Variants in ZBTB8A observed in about 807,000 individuals in gnomAD.
The protein encoded by ZBTB8A is zinc finger and BTB domain containing 8A.
ZBTB8A carries 19 observed loss-of-function variants against 37.8 expected under a neutral mutation model. That is an observed-to-expected ratio of 0.50 (90% CI 0.35 to 0.74). ZBTB8A has a LOEUF of 0.74. Ranked by LOEUF, ZBTB8A falls within the 30% of genes least tolerant of loss-of-function variation. The probability of loss-of-function intolerance (pLI) is 0.01; values close to 1 mark genes in which losing one functional copy is unlikely to be tolerated. For synonymous variants in ZBTB8A, 181 were observed against 185.2 expected (o/e 0.98, Z 0.19); for missense variants, 394 against 537.8 (o/e 0.73, Z 2.65).
At chr1:32,550,683 G>T (rs1490703437) in intron 1 of ZBTB8A, among the ~76,000 whole-genome samples, 5 of 151,922 alleles carry the variant, frequency 3.3e-5, no homozygotes, top group African/African-American at 1.2e-4. Context: ...ATTAGGCCAG[G>T]CGTGTTGGGT....
At chr1:32,555,234 A>G (rs1222304011) in intron 2 of ZBTB8A, among the ~76,000 whole-genome samples, 2 of 152,074 alleles carry the variant, frequency 1.3e-5, no homozygotes, top group African/African-American at 4.8e-5. Context: ...CTAGAAATAG[A>G]AAAAATTAGC....
At chr1:32,575,328 G>A (rs2148235749) in intron 2 of ZBTB8A, among the ~76,000 whole-genome samples, 1 of 145,434 alleles carries the variant, frequency 6.9e-6, no homozygotes, top group African/African-American at 2.6e-5. Flanking sequence ...CAGGTTTCAA[G>A]CGATTCTCCT....
Position 32,600,069 on chromosome 1 carries a change from A to G in ZBTB8A, c.994-18A>G. 1 of 1,593,014 alleles carries G rather than the reference A, an allele frequency of 6.3e-7. No homozygotes were observed. The highest frequency in any genetic ancestry group is 8.6e-7 in the Non-Finnish European group (1 of 1,166,608). On this transcript the variant is annotated intron_variant, in intron 4 of 4. Coordinates refer to ENST00000373510, the MANE Select transcript of ZBTB8A (RefSeq NM_001040441.3). ...CTTTTGAAAAATCACTTTTATCACTATTTAAATCTCTACACAGATTCACCA... is the reference window on the plus strand; with the variant it reads ...CTTTTGAAAAATCACTTTTATCACTGTTTAAATCTCTACACAGATTCACCA...
Position 32,599,968 on chromosome 1 carries a change from T to C in ZBTB8A, c.994-119T>C. ...CCTTGATCTTTCTCTAAATAATAGATGTTAATTTGAGTTTAATGCATGGCT... is the reference window on the plus strand; with the variant it reads ...CCTTGATCTTTCTCTAAATAATAGACGTTAATTTGAGTTTAATGCATGGCT... On this transcript the variant is annotated intron_variant, in intron 4 of 4. Coordinates refer to ENST00000373510, the MANE Select transcript of ZBTB8A (RefSeq NM_001040441.3). 3 of 720,228 alleles carry C rather than the reference T, an allele frequency of 4.2e-6. No individual in the cohort carries two copies. In the South Asian group the frequency reaches 6.2e-5, roughly 15 times the overall value. The allele number at this position is 720,228 out of a possible 1,614,324, so 44.6% of individuals were successfully genotyped here. A position where few individuals can be genotyped will look rare whatever the true frequency, so the allele number is the denominator to read the frequency against.
chr1:32,596,165 C>T (rs813687), intron 4 of ZBTB8A, among the ~76,000 whole-genome samples: 1 of 151,762 alleles, frequency 6.6e-6, no homozygotes, highest in East Asian at 2.0e-4. Flanking sequence ...GTCAGGAGAT[C>T]GAGACCATCC....
At chr1:32,575,552 T>C (rs1440521186) in intron 2 of ZBTB8A, among the ~76,000 whole-genome samples, 3 of 151,936 alleles carry the variant, frequency 2.0e-5, no homozygotes, top group Non-Finnish European at 4.4e-5. Flanking sequence ...CTTTTCTTTA[T>C]CCTGCCTCAG....
intron 2 of ZBTB8A, among the ~76,000 whole-genome samples, chr1:32,567,814 A>G (rs796121343): frequency 3.3e-5 from 1 of 30,478 alleles, no homozygotes; most frequent in Non-Finnish European, 5.5e-5. Context: ...AAAAAAAAAA[A>G]AAAAAAAAAC....
chr1:32,553,838 A>T (rs1644176910), intron 2 of ZBTB8A, among the ~76,000 whole-genome samples: 1 of 147,368 alleles, frequency 6.8e-6, no homozygotes, highest in African/African-American at 2.5e-5. Context: ...GTGAACCAAG[A>T]TGGCACCATT....
chr1:32,603,672 C>T lies in ZBTB8A; in HGVS notation c.*3253C>T, dbSNP rs564642716. On this transcript the variant is annotated 3_prime_UTR_variant, in exon 5 of 5. Transcript: ENST00000373510. Reference sequence around the variant, plus strand: ...TGTCCTTTTATGCTATTATCTTCTGCATGCAAACTTTACATACATCAGCAT... The same window carrying T: ...TGTCCTTTTATGCTATTATCTTCTGTATGCAAACTTTACATACATCAGCAT... 9 of 152,754 alleles carry T rather than the reference C, an allele frequency of 5.9e-5. 1 individual carries two copies. Among genetic ancestry groups the T allele is most frequent in the East Asian group, 5.8e-4 (3 of 5,188 alleles). 9.5% of individuals were successfully genotyped at this position (152,754 alleles called of 1,614,324 possible).
At chr1:32,586,472 T>G (rs1384558170) in intron 2 of ZBTB8A, among the ~76,000 whole-genome samples, 2 of 152,120 alleles carry the variant, frequency 1.3e-5, no homozygotes, top group African/African-American at 4.8e-5. Flanking sequence ...GGACTTTACA[T>G]TTTAGTAGGA....
At chr1:32,547,828 C>CAAAAAAAAAAAAAAAA (rs1194254576) in intron 1 of ZBTB8A, among the ~76,000 whole-genome samples, 92 of 30,402 alleles carry the variant, frequency 3.0e-3, no homozygotes, top group Non-Finnish European at 3.9e-3. Flanking sequence ...ACAAACAAAG[C>CAAAAAAAAAAAAAAAA]AAAAAAAAAA....
rs1159112110 is a variant in ZBTB8A, at chr1:32,605,311, T to A, written c.*4892T>A. The A allele has an allele frequency of 6.6e-6, 1 of 152,040 alleles. No homozygotes were observed. Among genetic ancestry groups the A allele is most frequent in the African/African-American group, 2.4e-5 (1 of 41,412 alleles). 9.4% of individuals were successfully genotyped at this position (152,040 alleles called of 1,614,324 possible). On this transcript the variant is annotated 3_prime_UTR_variant, in exon 5 of 5. Transcript: ENST00000373510. The stretch of plus-strand genomic sequence containing the variant: ...TTTATCATTTATATAGCATTTTATA[T>A]TTGCAAAGTGTTTAATAATTTTTGT...
intron 2 of ZBTB8A, among the ~76,000 whole-genome samples, chr1:32,575,472 G>T (rs1446538562): frequency 6.6e-6 from 1 of 150,696 alleles, no homozygotes; most frequent in Non-Finnish European, 1.5e-5. Flanking sequence ...TGATCTGCCC[G>T]CCTCAGCCTC....
intron 2 of ZBTB8A, among the ~76,000 whole-genome samples, chr1:32,591,580 A>G (rs1030500747): frequency 2.6e-5 from 4 of 152,018 alleles, no homozygotes; most frequent in African/African-American, 9.7e-5. Flanking sequence ...GGCAAAAATC[A>G]AATGTGTTGG....
rs1236345456 is a variant in ZBTB8A at position 32,594,431 on chromosome 1, TC to T, written c.824-621del. On this transcript the variant is annotated intron_variant, in intron 3 of 4. Transcript: ENST00000373510. ...TTTCACTTTAAATAGTTTTTTTTTT[TC>T]CTGTGTACTTACTCAGAGGAGTATT... 2.0e-5 allele frequency among the ~76,000 whole-genome samples: 3 copies of T among 151,908 alleles called. No individual in the cohort carries two copies. In the East Asian group the frequency reaches 5.8e-4, roughly 29 times the overall value.
chr1:32,589,843 C>T lies in ZBTB8A; in HGVS notation c.-1-3088C>T, dbSNP rs1029348097. Among the ~76,000 whole-genome samples the T allele has an allele frequency of 3.3e-5, 5 of 152,140 alleles. No individual in the cohort carries two copies. The South Asian group carries it at 6.2e-4, about 19-fold the overall frequency. On this transcript the variant is annotated intron_variant, in intron 2 of 4. Transcript: ENST00000373510. ...CTGGGATTACAGGTGTGAGTCACCA[C>T]GCCCGGCCTCTGTTCATTTTTAAGA...
Position 32,584,342 on chromosome 1 carries a change from T to C in ZBTB8A, c.-1-8589T>C, listed in dbSNP as rs146250187. ...TTGTGGTACTTTGTTATGGCAGCCCTAGGAAACTAATATACAAAGACGGGA... is the reference window on the plus strand; with the variant it reads ...TTGTGGTACTTTGTTATGGCAGCCCCAGGAAACTAATATACAAAGACGGGA... On this transcript the variant is annotated intron_variant, in intron 2 of 4. Coordinates refer to ENST00000373510, the MANE Select transcript of ZBTB8A (RefSeq NM_001040441.3). Among the ~76,000 whole-genome samples, 1,155 of 151,450 alleles carry C rather than the reference T, an allele frequency of 7.6e-3. 27 individuals are homozygous for C. The highest frequency in any genetic ancestry group is 0.026 in the African/African-American group (1,050 of 40,822).
chr1:32,590,244 T>G (rs1024836172), intron 2 of ZBTB8A, among the ~76,000 whole-genome samples: 4 of 152,026 alleles, frequency 2.6e-5, no homozygotes, highest in African/African-American at 9.7e-5. Context: ...CATGTTAATT[T>G]TTCAGGTTGA....
intron 2 of ZBTB8A, among the ~76,000 whole-genome samples, chr1:32,587,144 T>C (rs1570362035): frequency 6.6e-6 from 1 of 150,392 alleles, no homozygotes; most frequent in Non-Finnish European, 1.5e-5. Flanking sequence ...GAGGCTGAGG[T>C]AGGAGAATCG....
Sources: allele counts gnomAD v4.1 joint callset (sites outside exome capture counted in the v4.1 genomes callset), GRCh38; gene constraint gnomAD v4.1.1; transcripts MANE v1.5; gene names NCBI Gene and HGNC (gene_info 2026-07-23, HGNC 2026-07-21).